CTNNA2: variants seen among roughly 807,000 people sequenced by gnomAD.
The protein encoded by CTNNA2 is catenin alpha 2.
A neutral mutation model predicts 101.0 loss-of-function variants in CTNNA2; 42 were observed. The observed-to-expected ratio is 0.42, with a 90% CI of 0.32 to 0.54. CTNNA2 has a LOEUF of 0.54. Among genes scored for constraint, CTNNA2 ranks in the 20% least tolerant of loss-of-function variants. The pLI is 0.14. For synonymous variants in CTNNA2, 450 were observed against 456.4 expected (o/e 0.99, Z 0.18); for missense variants, 871 against 1,223.1 (o/e 0.71, Z 4.29).
intron 1 of CTNNA2, among the ~76,000 whole-genome samples, chr2:79,631,196 G>A (rs1406235219): frequency 1.3e-5 from 2 of 152,124 alleles, no homozygotes; most frequent in Admixed American, 6.6e-5. Context: ...AATGTTGAAC[G>A]CCTTATGTGG....
At chr2:79,700,679 G>A (rs898692154) in intron 2 of CTNNA2, among the ~76,000 whole-genome samples, 2 of 152,116 alleles carry the variant, frequency 1.3e-5, no homozygotes, top group South Asian at 2.1e-4. Flanking sequence ...TGTTTGTCAC[G>A]GCTCTTGTTT....
At chr2:80,016,143 A>C (rs779284402) in intron 7 of CTNNA2, among the ~76,000 whole-genome samples, 20 of 152,356 alleles carry the variant, frequency 1.3e-4, no homozygotes, top group Admixed American at 2.0e-4. Context: ...TGACCAAGAA[A>C]ATTTTCTGCA....
intron 9 of CTNNA2, among the ~76,000 whole-genome samples, chr2:80,453,732 T>A (rs192661200): frequency 6.6e-6 from 1 of 152,260 alleles, no homozygotes; most frequent in Admixed American, 6.5e-5. Flanking sequence ...CAGACAGGGT[T>A]ATATAACACA....
intron 3 of CTNNA2, among the ~76,000 whole-genome samples, chr2:79,745,895 T>C (rs1195827905): frequency 6.6e-6 from 1 of 152,196 alleles, no homozygotes; most frequent in Admixed American, 6.5e-5. Flanking sequence ...AATGCCCTGC[T>C]TTCAGTTCTT....
At chr2:79,246,870 A>G (rs1418291080) in intron 2 of CTNNA2, among the ~76,000 whole-genome samples, 5 of 152,238 alleles carry the variant, frequency 3.3e-5, no homozygotes, top group African/African-American at 1.2e-4. Context: ...AGGTAGAAGT[A>G]GAGGATGTAC....
intron 8 of CTNNA2, among the ~76,000 whole-genome samples, chr2:80,394,185 T>C (rs1025119750): frequency 6.6e-6 from 1 of 152,226 alleles, no homozygotes; most frequent in Non-Finnish European, 1.5e-5. Flanking sequence ...TGGGTTAGCA[T>C]GGCCACATCC....
intron 7 of CTNNA2, among the ~76,000 whole-genome samples, chr2:80,325,240 T>C (rs985036883): frequency 1.7e-4 from 26 of 152,142 alleles, no homozygotes; most frequent in African/African-American, 5.8e-4. Context: ...GGGAGAAGAA[T>C]TGATTAGAGA....
At chr2:79,247,933 T>C (rs1446856567) in intron 2 of CTNNA2, among the ~76,000 whole-genome samples, 1 of 152,230 alleles carries the variant, frequency 6.6e-6, no homozygotes, top group African/African-American at 2.4e-5. Flanking sequence ...TGTCTACACC[T>C]GGACTTCATC....
chr2:79,487,685 T>C (rs549996065), intron 4 of CTNNA2, among the ~76,000 whole-genome samples: 99 of 152,190 alleles, frequency 6.5e-4, no homozygotes, highest in African/African-American at 2.1e-3. Context: ...ATCAGCTCAT[T>C]TGGGGAGCAG....
intron 6 of CTNNA2, among the ~76,000 whole-genome samples, chr2:79,881,404 T>A (rs1419635473): frequency 6.6e-6 from 1 of 152,138 alleles, no homozygotes; most frequent in East Asian, 1.9e-4. Flanking sequence ...ATATTGACAG[T>A]GGGGTGTTAA....
chr2:80,356,513 T>A (rs1167686675), intron 7 of CTNNA2, among the ~76,000 whole-genome samples: 2 of 152,126 alleles, frequency 1.3e-5, no homozygotes, highest in African/African-American at 4.8e-5. Context: ...GTACCCATGA[T>A]AGGCCAGCCA....
At chr2:80,294,121 ACT>A (rs1675512111) in intron 7 of CTNNA2, among the ~76,000 whole-genome samples, 1 of 152,102 alleles carries the variant, frequency 6.6e-6, no homozygotes, top group South Asian at 2.1e-4. Flanking sequence ...CGGGAGAAGG[ACT>A]CAGAATTTAG....
intron 7 of CTNNA2, among the ~76,000 whole-genome samples, chr2:80,215,535 G>T (rs929973471): frequency 6.6e-6 from 1 of 152,182 alleles, no homozygotes; most frequent in African/African-American, 2.4e-5. Context: ...GACTCCAGAC[G>T]CTGTTTGCCT....
intron 7 of CTNNA2, among the ~76,000 whole-genome samples, chr2:80,265,051 T>C (rs1672901334): frequency 6.6e-6 from 1 of 151,076 alleles, no homozygotes; most frequent in Non-Finnish European, 1.5e-5. Flanking sequence ...CTTGGCTCAC[T>C]GCAACCTCCG....
chr2:80,619,158 A>T lies in CTNNA2; in HGVS notation c.2504A>T (p.Gln835Leu), dbSNP rs1356215948. ...GTCATAGATGGGGGCAGGGCTAGTC[A>T]ACTTTCTACCCACCTCCCAACCTGT... ...CDVIDGGRAS[Q>L]LSTHLPTCAE... Residue 835 changes from glutamine (Q) to leucine (L), a missense_variant, in exon 18 of 19, where the codon CAA becomes CTA. Around this residue, in one of 5 missense-constraint regions of CTNNA2, gnomAD observed 65 missense variants for 53.3 expected, o/e 1.22. Transcript: ENST00000402739. 1 of 1,573,984 alleles carries T rather than the reference A, an allele frequency of 6.4e-7. No individual in the cohort carries two copies. The highest frequency in any genetic ancestry group is 1.8e-5 in the Admixed American group (1 of 55,318).
At chr2:79,637,470 T>G (rs1484318464) in intron 1 of CTNNA2, among the ~76,000 whole-genome samples, 1 of 152,188 alleles carries the variant, frequency 6.6e-6, no homozygotes, top group Admixed American at 6.5e-5. Flanking sequence ...TTATGGCTGA[T>G]GCCCACATGT....
At chr2:79,519,959 T>C (rs1672016069) in intron 1 of CTNNA2, among the ~76,000 whole-genome samples, 1 of 152,230 alleles carries the variant, frequency 6.6e-6, no homozygotes, top group Non-Finnish European at 1.5e-5. Context: ...TGAAGTAATG[T>C]TTATTTAAGA....
intron 3 of CTNNA2, among the ~76,000 whole-genome samples, chr2:79,775,939 T>A (rs1022577705): frequency 2.0e-5 from 3 of 152,214 alleles, no homozygotes; most frequent in Non-Finnish European, 4.4e-5. Flanking sequence ...CACAGTATTC[T>A]CCATAGTTGG....
At chr2:80,616,925 G>T (rs893053541) in intron 17 of CTNNA2, among the ~76,000 whole-genome samples, 2 of 151,672 alleles carry the variant, frequency 1.3e-5, no homozygotes, top group Non-Finnish European at 1.5e-5. Context: ...GCCTAGTTTT[G>T]CATTGGGTTC....
Sources: gnomAD v4.1 joint callset for allele counts (sites outside exome capture counted in the v4.1 genomes callset) on GRCh38, gnomAD v4.1.1 for gene constraint, gnomAD v4.1.1 regional missense constraint, MANE v1.5 for transcripts, NCBI Gene and HGNC (gene_info 2026-07-23, HGNC 2026-07-21) for gene names.